Variants in ANKS1B observed in about 807,000 individuals in gnomAD.
ANKS1B encodes ankyrin repeat and sterile alpha motif domain containing 1B, also known as ankyrin repeat and sterile alpha motif domain-containing protein 1B.
A neutral mutation model predicts 148.3 loss-of-function variants in ANKS1B; 36 were observed. That is an observed-to-expected ratio of 0.24 (90% CI 0.19 to 0.32). The LOEUF is 0.32. ANKS1B is among the 10% of genes least tolerant of loss of function. The pLI, the probability that ANKS1B is intolerant of heterozygous loss-of-function variation, is 1.00. For synonymous variants in ANKS1B, 542 were observed against 560.8 expected (o/e 0.97, Z 0.47); for missense variants, 1,157 against 1,542.6 (o/e 0.75, Z 4.19).
intron 12 of ANKS1B, among the ~76,000 whole-genome samples, chr12:99,345,958 C>A (rs1450323914): frequency 6.6e-6 from 1 of 151,970 alleles, no homozygotes; most frequent in East Asian, 1.9e-4. Flanking sequence ...CTGAAGGTGG[C>A]AATGTCCTAA....
intron 16 of ANKS1B, among the ~76,000 whole-genome samples, chr12:99,061,298 G>A (rs574558449): frequency 6.6e-5 from 10 of 152,172 alleles, no homozygotes; most frequent in Admixed American, 4.6e-4. Context: ...CTATAAGCTG[G>A]AACATCAGTG....
intron 4 of ANKS1B, among the ~76,000 whole-genome samples, chr12:99,799,896 C>T (rs1286859921): frequency 1.3e-5 from 2 of 152,042 alleles, no homozygotes; most frequent in Non-Finnish European, 2.9e-5. Flanking sequence ...ATATAAAACC[C>T]TATCAGACAC....
chr12:99,812,543 A>G (rs1167825407), intron 2 of ANKS1B, among the ~76,000 whole-genome samples: 1 of 97,176 alleles, frequency 1.0e-5, no homozygotes. Context: ...ACACACACAC[A>G]CACACACACA....
intron 17 of ANKS1B, among the ~76,000 whole-genome samples, chr12:99,027,182 A>G (rs1382665866): frequency 6.6e-6 from 1 of 152,224 alleles, no homozygotes; most frequent in Non-Finnish European, 1.5e-5. Flanking sequence ...TATTTAAAGA[A>G]TGGAATCATG....
chr12:99,875,878 T>C (rs994313725), intron 1 of ANKS1B, among the ~76,000 whole-genome samples: 5 of 152,212 alleles, frequency 3.3e-5, no homozygotes, highest in African/African-American at 9.6e-5. Flanking sequence ...AATAGACTTT[T>C]TTATGTGAAA....
chr12:99,016,325 C>A (rs1397845540), intron 17 of ANKS1B, among the ~76,000 whole-genome samples: 1 of 152,156 alleles, frequency 6.6e-6, no homozygotes, highest in Admixed American at 6.6e-5. Context: ...GATTGATAGA[C>A]CTTTTTGTAA....
chr12:98,786,797 A>C (rs577424699), intron 22 of ANKS1B, among the ~76,000 whole-genome samples: 46 of 152,316 alleles, frequency 3.0e-4, no homozygotes, highest in African/African-American at 1.1e-3. Flanking sequence ...CAGCACAGAC[A>C]GGGAAAACAG....
chr12:99,537,258 T>G (rs2097079593), intron 9 of ANKS1B, among the ~76,000 whole-genome samples: 3 of 152,290 alleles, frequency 2.0e-5, no homozygotes, highest in Admixed American at 2.0e-4. Flanking sequence ...ACTGATTTCC[T>G]TTTCTTTGGG....
intron 4 of ANKS1B, among the ~76,000 whole-genome samples, chr12:99,804,772 T>A (rs1356395016): frequency 6.6e-6 from 1 of 152,156 alleles, no homozygotes; most frequent in Non-Finnish European, 1.5e-5. Context: ...GGGTTGCCTT[T>A]ATGACTTGCT....
chr12:99,697,609 C>T (rs745878669), intron 8 of ANKS1B, among the ~76,000 whole-genome samples: 7 of 151,964 alleles, frequency 4.6e-5, no homozygotes, highest in Non-Finnish European at 8.8e-5. Context: ...ATAAGGAGAC[C>T]ACAAAAGGTT....
intron 17 of ANKS1B, among the ~76,000 whole-genome samples, chr12:98,909,059 T>C (rs2152827029): frequency 6.6e-6 from 1 of 152,294 alleles, no homozygotes; most frequent in South Asian, 2.1e-4. Context: ...AGACAGCTTG[T>C]GCCAGAAGAT....
chr12:98,851,080 C>T (rs2099522389), intron 17 of ANKS1B, among the ~76,000 whole-genome samples: 1 of 152,178 alleles, frequency 6.6e-6, no homozygotes, highest in Non-Finnish European at 1.5e-5. Context: ...GAGAGTCATG[C>T]CTTGATGGGA....
chr12:99,575,377 T>G (rs2097506152), intron 9 of ANKS1B, among the ~76,000 whole-genome samples: 2 of 152,122 alleles, frequency 1.3e-5, no homozygotes, highest in African/African-American at 4.8e-5. Context: ...CCTTACAAAA[T>G]GTCCTTAAGG....
intron 17 of ANKS1B, among the ~76,000 whole-genome samples, chr12:98,879,582 GCTT>G (rs1382708600): frequency 1.3e-5 from 2 of 151,930 alleles, no homozygotes; most frequent in Non-Finnish European, 2.9e-5. Flanking sequence ...TATTTCTCTT[GCTT>G]CTTGTTTTTT....
At chr12:99,338,603 G>A (rs775589605) in intron 12 of ANKS1B, among the ~76,000 whole-genome samples, 10 of 152,176 alleles carry the variant, frequency 6.6e-5, no homozygotes, top group East Asian at 3.9e-4. Flanking sequence ...GTCTCTCCTC[G>A]TGGCCAGCTC....
Position 99,893,689 on chromosome 12 carries a change from A to G in ANKS1B, c.135-68300T>C, listed in dbSNP as rs190429507. The stretch of plus-strand genomic sequence containing the variant: ...GGTGTCTATTGTTCCCATATTTATG[A>G]CCATGTGTATCCAATGTTTAGCACC... On this transcript the variant is annotated intron_variant, in intron 1 of 26. Coordinates refer to ENST00000683438, the MANE Select transcript of ANKS1B (RefSeq NM_001352186.2). Among the ~76,000 whole-genome samples the G allele has an allele frequency of 4.6e-5, 7 of 152,304 alleles. No individual in the cohort carries two copies. The East Asian group carries it at 1.3e-3, about 29-fold the overall frequency.
chr12:99,479,970 A>G (rs570262705), intron 10 of ANKS1B, among the ~76,000 whole-genome samples: 1 of 152,004 alleles, frequency 6.6e-6, no homozygotes, highest in African/African-American at 2.4e-5. Flanking sequence ...TCCATTATGT[A>G]TACATATATC....
At chr12:99,752,168 A>G (rs948155840) in intron 8 of ANKS1B, among the ~76,000 whole-genome samples, 3 of 151,998 alleles carry the variant, frequency 2.0e-5, no homozygotes, top group Non-Finnish European at 2.9e-5. Flanking sequence ...ACAGGACAGA[A>G]TCACTTTTCA....
chr12:98,870,378 T>C (rs1004948068), intron 17 of ANKS1B, among the ~76,000 whole-genome samples: 2 of 152,190 alleles, frequency 1.3e-5, no homozygotes, highest in African/African-American at 4.8e-5. Flanking sequence ...ATAAAGGTGG[T>C]TGGTCCCAGA....
Sources: gnomAD v4.1 joint callset for allele counts (sites outside exome capture counted in the v4.1 genomes callset) on GRCh38, gnomAD v4.1.1 for gene constraint, MANE v1.5 for transcripts, NCBI Gene and HGNC (gene_info 2026-07-23, HGNC 2026-07-21) for gene names.